Variants in BMPR1B observed in about 807,000 individuals in gnomAD.
The protein encoded by BMPR1B is bone morphogenetic protein receptor type 1B.
Under a neutral mutation model 59.1 loss-of-function variants are expected in BMPR1B, and 12 were observed. The ratio of observed to expected loss-of-function variants is 0.20; its 90% CI spans 0.13 to 0.33. The LOEUF (loss-of-function observed/expected upper bound fraction) is 0.33. Ranked by LOEUF, BMPR1B falls within the 10% of genes least tolerant of loss-of-function variation. The pLI is 1.00. For missense variants in BMPR1B, 550 were observed against 610.9 expected, an observed-to-expected ratio of 0.90 and a Z score of 1.05; for synonymous variants, 237 against 207.3, an observed-to-expected ratio of 1.14 and a Z score of -1.23.
intron 1 of BMPR1B, among the ~76,000 whole-genome samples, chr4:94,804,755 T>G (rs1418394270): frequency 6.6e-6 from 1 of 152,174 alleles, no homozygotes. Context: ...GTAGTTTATG[T>G]GATGTGGAAA....
At chr4:94,863,665 T>C (rs1726090555) in intron 1 of BMPR1B, among the ~76,000 whole-genome samples, 1 of 152,240 alleles carries the variant, frequency 6.6e-6, no homozygotes, top group Non-Finnish European at 1.5e-5. Flanking sequence ...AATTTTATGA[T>C]ATGATTTTTC....
intron 1 of BMPR1B, among the ~76,000 whole-genome samples, chr4:94,803,280 AT>A (rs942127943): frequency 2.4e-4 from 36 of 152,102 alleles, no homozygotes; most frequent in Non-Finnish European, 1.0e-4. Flanking sequence ...TCCTGGCAAG[AT>A]TTTTAGTTAG....
At chr4:94,862,858 T>C (rs1323983800) in intron 1 of BMPR1B, among the ~76,000 whole-genome samples, 3 of 147,052 alleles carry the variant, frequency 2.0e-5, no homozygotes, top group Admixed American at 7.1e-5. Flanking sequence ...GGCAGGAGAA[T>C]GGCGTCAACC....
intron 3 of BMPR1B, among the ~76,000 whole-genome samples, chr4:95,025,188 C>T (rs1404235322): frequency 6.6e-6 from 1 of 152,058 alleles, no homozygotes; most frequent in African/African-American, 2.4e-5. Context: ...AACCAGCATT[C>T]ATGGATTATT....
intron 6 of BMPR1B, among the ~76,000 whole-genome samples, chr4:95,120,084 T>G (rs1276314031): frequency 3.3e-5 from 5 of 152,154 alleles, no homozygotes; most frequent in African/African-American, 9.7e-5. Flanking sequence ...GTGTGCTCAG[T>G]GTTTAGTTCC....
intron 1 of BMPR1B, among the ~76,000 whole-genome samples, chr4:94,872,549 C>G (rs915370983): frequency 6.6e-6 from 1 of 152,072 alleles, no homozygotes; most frequent in Non-Finnish European, 1.5e-5. Flanking sequence ...ATTGATGAAT[C>G]TGCTGGGTTT....
At chr4:94,890,732 G>A (rs1163852652) in intron 2 of BMPR1B, among the ~76,000 whole-genome samples, 1 of 151,988 alleles carries the variant, frequency 6.6e-6, no homozygotes, top group African/African-American at 2.4e-5. Flanking sequence ...GCGTCCTTAC[G>A]TGGTGAAGAG....
At chr4:94,889,001 A>T (rs1560533306) in intron 2 of BMPR1B, among the ~76,000 whole-genome samples, 2 of 151,918 alleles carry the variant, frequency 1.3e-5, no homozygotes, top group African/African-American at 2.4e-5. Context: ...TATAAATGAG[A>T]TACAGGTTTT....
chr4:94,764,626 A>G (rs1211401770), intron 1 of BMPR1B, among the ~76,000 whole-genome samples: 1 of 152,168 alleles, frequency 6.6e-6, no homozygotes, highest in Non-Finnish European at 1.5e-5. Flanking sequence ...ATTGATAAGA[A>G]CAGTCGTACT....
intron 1 of BMPR1B, among the ~76,000 whole-genome samples, chr4:94,763,250 T>G (rs1462164849): frequency 6.6e-6 from 1 of 152,244 alleles, no homozygotes; most frequent in Non-Finnish European, 1.5e-5. Flanking sequence ...GTCATTTTCC[T>G]CTAACCCTCA....
intron 3 of BMPR1B, among the ~76,000 whole-genome samples, chr4:95,049,518 C>T (rs1726303061): frequency 7.6e-6 from 1 of 131,830 alleles, no homozygotes; most frequent in Admixed American, 9.0e-5. Context: ...GAGTCCTGCA[C>T]AATTTGGTTC....
chr4:94,789,624 C>T (rs1305099355), intron 1 of BMPR1B, among the ~76,000 whole-genome samples: 1 of 152,088 alleles, frequency 6.6e-6, no homozygotes, highest in African/African-American at 2.4e-5. Context: ...AGTAATAAGT[C>T]ATTAGCAAAA....
At chr4:95,100,007 A>G (rs181973312) in intron 3 of BMPR1B, among the ~76,000 whole-genome samples, 1 of 152,306 alleles carries the variant, frequency 6.6e-6, no homozygotes, top group African/African-American at 2.4e-5. Flanking sequence ...AAGTCGTTTT[A>G]TTAATTTCAA....
At chr4:94,985,745 T>G (rs1250330543) in intron 2 of BMPR1B, among the ~76,000 whole-genome samples, 2 of 152,204 alleles carry the variant, frequency 1.3e-5, no homozygotes, top group Non-Finnish European at 2.9e-5. Context: ...TCTATCTATA[T>G]TTCTTTCGAA....
At chr4:95,065,303 G>A (rs1179711414) in intron 3 of BMPR1B, among the ~76,000 whole-genome samples, 1 of 152,158 alleles carries the variant, frequency 6.6e-6, no homozygotes, top group South Asian at 2.1e-4. Context: ...TGGGGGCATA[G>A]AGAGTGACTG....
chr4:95,144,177 T>A (rs1296502836), intron 10 of BMPR1B, among the ~76,000 whole-genome samples: 1 of 152,138 alleles, frequency 6.6e-6, no homozygotes, highest in Non-Finnish European at 1.5e-5. Context: ...TGTCCCTAAA[T>A]GTTTATTGAT....
At position 95,148,823 on chromosome 4, in the gene BMPR1B, C is replaced by T. The variant is rs375476260; in HGVS notation, c.1152C>T (p.Asp384=). 18 of 1,613,838 alleles carry T rather than the reference C, an allele frequency of 1.1e-5. No homozygotes were observed. Among genetic ancestry groups the T allele is most frequent in the Middle Eastern group, 3.3e-4 (2 of 6,082 alleles). The change falls in exon 11 of 13, where the codon GAC becomes GAT. Residue 384 remains aspartate, a synonymous_variant. Coordinates refer to ENST00000515059, the MANE Select transcript of BMPR1B (RefSeq NM_001203.3). ...GCTATATGCCTCCAGAAGTGTTGGA[C>T]GAGAGCTTGAACAGAAATCACTTCC... ...TKRYMPPEVL[D]ESLNRNHFQS...
At chr4:94,981,009 A>G (rs1366283172) in intron 2 of BMPR1B, among the ~76,000 whole-genome samples, 115 of 8,508 alleles carry the variant, frequency 0.014, no homozygotes, top group African/African-American at 0.027. Context: ...ACACACACAC[A>G]CACACACACA....
At chr4:95,035,513 C>G (rs1725176613) in intron 3 of BMPR1B, among the ~76,000 whole-genome samples, 1 of 152,158 alleles carries the variant, frequency 6.6e-6, no homozygotes, top group African/African-American at 2.4e-5. Context: ...CCAATTATCT[C>G]AGCACCATTT....
Sources: allele counts gnomAD v4.1 joint callset (sites outside exome capture counted in the v4.1 genomes callset), GRCh38; gene constraint gnomAD v4.1.1; transcripts MANE v1.5; gene names NCBI Gene and HGNC (gene_info 2026-07-23, HGNC 2026-07-21).